The following VEPH1 variants were observed in gnomAD, a reference collection of about 807,000 sequenced individuals.
The protein encoded by VEPH1 is ventricular zone expressed PH domain containing 1.
In VEPH1, 80 loss-of-function variants were observed where a neutral mutation model predicts 85.2. The ratio of observed to expected loss-of-function variants is 0.94; its 90% CI spans 0.78 to 1.13. VEPH1 has a LOEUF of 1.13. VEPH1 is among the 50% of genes most tolerant of loss of function. VEPH1 has a pLI of 0.00. For synonymous variants in VEPH1, 297 were observed against 348.0 expected, an observed-to-expected ratio of 0.85 and a Z score of 1.63; for missense variants, 955 against 980.5, an observed-to-expected ratio of 0.97 and a Z score of 0.35.
intron 6 of VEPH1, among the ~76,000 whole-genome samples, chr3:157,403,941 T>C (rs1730958745): frequency 2.0e-5 from 3 of 152,158 alleles, no homozygotes; most frequent in Admixed American, 1.3e-4. Context: ...CACCTGGGCA[T>C]CTTGTTCAAT....
At chr3:157,289,823 A>G (rs1342840162) in intron 11 of VEPH1, among the ~76,000 whole-genome samples, 2 of 151,882 alleles carry the variant, frequency 1.3e-5, no homozygotes, top group Non-Finnish European at 2.9e-5. Flanking sequence ...AAAATAACTT[A>G]TATCTAACTG....
intron 6 of VEPH1, among the ~76,000 whole-genome samples, chr3:157,398,487 A>T (rs1178518010): frequency 5.3e-5 from 8 of 152,112 alleles, no homozygotes; most frequent in Non-Finnish European, 1.2e-4. Context: ...TACAAAAATT[A>T]GCTGGGCATG....
intron 2 of VEPH1, among the ~76,000 whole-genome samples, chr3:157,485,358 C>T (rs1281077107): frequency 6.6e-6 from 1 of 152,046 alleles, no homozygotes; most frequent in Non-Finnish European, 1.5e-5. Flanking sequence ...ACTGCCTGGC[C>T]AACAGCAATT....
chr3:157,344,110 A>G (rs2108663642), intron 9 of VEPH1, among the ~76,000 whole-genome samples: 1 of 152,314 alleles, frequency 6.6e-6, no homozygotes. Context: ...CCCTTTGAAA[A>G]CTGGCACAAG....
chr3:157,289,007 T>TA (rs978668482), intron 11 of VEPH1, among the ~76,000 whole-genome samples: 13 of 151,954 alleles, frequency 8.6e-5, no homozygotes, highest in Admixed American at 4.6e-4. Flanking sequence ...ACTTTTTTTT[T>TA]AAAAAGTATG....
At chr3:157,322,685 A>G (rs12496879) in intron 9 of VEPH1, among the ~76,000 whole-genome samples, 105,271 of 152,080 alleles carry the variant, frequency 0.69, 36,691 homozygotes, top group East Asian at 0.78. Flanking sequence ...ACTCACGACA[A>G]GCTAGATGAC....
At chr3:157,414,274 A>G (rs181909768) in intron 5 of VEPH1, among the ~76,000 whole-genome samples, 184 bp from the exon 6 acceptor site, 1 of 152,310 alleles carries the variant, frequency 6.6e-6, no homozygotes, top group Non-Finnish European at 1.5e-5. Context: ...ATTTACAATA[A>G]AATCTTCAGA....
chr3:157,473,815 G>C (rs888065887), intron 2 of VEPH1, among the ~76,000 whole-genome samples: 2 of 151,888 alleles, frequency 1.3e-5, no homozygotes, highest in African/African-American at 4.8e-5. Context: ...GCTATTTATT[G>C]AGTTTATTTT....
intron 4 of VEPH1, among the ~76,000 whole-genome samples, chr3:157,435,944 CT>C (rs987739198): frequency 1.1e-4 from 16 of 152,040 alleles, no homozygotes; most frequent in African/African-American, 3.9e-4. Flanking sequence ...TTTCCCCCAG[CT>C]TTTTTTCCCC....
At chr3:157,341,014 C>G (rs1186903682) in intron 9 of VEPH1, among the ~76,000 whole-genome samples, 1 of 152,142 alleles carries the variant, frequency 6.6e-6, no homozygotes, top group African/African-American at 2.4e-5. Context: ...CACACCAAAA[C>G]CCCGTCTGTA....
At chr3:157,397,922 C>A (rs564401361) in intron 6 of VEPH1, among the ~76,000 whole-genome samples, 63 of 152,286 alleles carry the variant, frequency 4.1e-4, no homozygotes, top group Admixed American at 2.2e-3. Context: ...TCAGGCATGT[C>A]CCAGAGAGGT....
intron 2 of VEPH1, among the ~76,000 whole-genome samples, chr3:157,490,064 A>G (rs1739082928): frequency 6.6e-6 from 1 of 151,886 alleles, no homozygotes; most frequent in Non-Finnish European, 1.5e-5. Flanking sequence ...TTAAAAACAT[A>G]TAAATAAAGG....
At chr3:157,334,173 A>G (rs752487221) in intron 9 of VEPH1, among the ~76,000 whole-genome samples, 1 of 152,194 alleles carries the variant, frequency 6.6e-6, no homozygotes, top group Non-Finnish European at 1.5e-5. Context: ...CCAACCGTCT[A>G]TTCCCTGTTG....
intron 6 of VEPH1, among the ~76,000 whole-genome samples, chr3:157,406,734 C>T (rs1249951975): frequency 1.5e-5 from 2 of 133,600 alleles, no homozygotes; most frequent in African/African-American, 6.0e-5. Context: ...CCATAGCATC[C>T]TTCCACGTGC....
At chr3:157,294,427 G>T (rs1160655594) in intron 11 of VEPH1, among the ~76,000 whole-genome samples, 2 of 152,072 alleles carry the variant, frequency 1.3e-5, no homozygotes, top group East Asian at 3.9e-4. Flanking sequence ...AACCCTATTT[G>T]GTTTCTTGTT....
At chr3:157,474,102 C>CA (rs1332180583) in intron 2 of VEPH1, among the ~76,000 whole-genome samples, 2 of 151,912 alleles carry the variant, frequency 1.3e-5, no homozygotes, top group Non-Finnish European at 2.9e-5. Context: ...ATGCTAAGTC[C>CA]ATAAAGGATT....
At chr3:157,472,496 C>T (rs1014367196) in intron 2 of VEPH1, among the ~76,000 whole-genome samples, 1 of 152,144 alleles carries the variant, frequency 6.6e-6, no homozygotes, top group Non-Finnish European at 1.5e-5. Flanking sequence ...TTGCAACTTT[C>T]CCTATGTAAG....
intron 4 of VEPH1, among the ~76,000 whole-genome samples, chr3:157,454,255 A>G (rs911715346): frequency 2.0e-5 from 3 of 152,212 alleles, no homozygotes; most frequent in Non-Finnish European, 4.4e-5. Context: ...TGGTGATTTA[A>G]TCCCGTGGCC....
chr3:157,476,352 C>T (rs973092236), intron 2 of VEPH1, among the ~76,000 whole-genome samples: 1 of 152,190 alleles, frequency 6.6e-6, no homozygotes, highest in Non-Finnish European at 1.5e-5. Flanking sequence ...TTTTTCTGCC[C>T]ACAGGGCTTA....
Sources: gnomAD v4.1 joint callset for allele counts (sites outside exome capture counted in the v4.1 genomes callset) on GRCh38, gnomAD v4.1.1 for gene constraint, MANE v1.5 for transcripts, NCBI Gene and HGNC (gene_info 2026-07-23, HGNC 2026-07-21) for gene names.